PTPN3: variants seen among roughly 807,000 people sequenced by gnomAD.
The protein encoded by PTPN3 is tyrosine-protein phosphatase non-receptor type 3.
In PTPN3, 96 loss-of-function variants were observed where a neutral mutation model predicts 132.7. The observed-to-expected ratio is 0.72, with a 90% CI of 0.61 to 0.86. The LOEUF (loss-of-function observed/expected upper bound fraction) is 0.86. Ranked by LOEUF, PTPN3 falls within the 40% of genes least tolerant of loss-of-function variation. The probability of loss-of-function intolerance (pLI) is 0.00; values close to 1 mark genes in which losing one functional copy is unlikely to be tolerated. For missense variants in PTPN3, 1,125 were observed against 1,159.6 expected, an observed-to-expected ratio of 0.97 and a Z score of 0.43; for synonymous variants, 398 against 429.0, an observed-to-expected ratio of 0.93 and a Z score of 0.89.
At chr9:109,529,667 T>C in the PTPN3 span, among the ~76,000 whole-genome samples, 1 of 152,204 alleles carries the variant, frequency 6.6e-6, no homozygotes, top group Non-Finnish European at 1.5e-5. Context: ...ATACACGTAA[T>C]ATAAAGTTTA....
intron 2 of PTPN3, among the ~76,000 whole-genome samples, chr9:109,458,075 G>T (rs1845657196): frequency 6.6e-6 from 1 of 152,196 alleles, no homozygotes; most frequent in Non-Finnish European, 1.5e-5. Flanking sequence ...GTGGGAATGG[G>T]GACACGGCCA....
intron 5 of PTPN3, chr9:109,451,216 C>T: frequency 1.0e-6 from 1 of 980,474 alleles, no homozygotes; most frequent in Non-Finnish European, 1.2e-6. Context: ...TAGCAAGACC[C>T]TGTTTCAAAA....
At chr9:109,404,360 G>A (rs1841384302) in intron 19 of PTPN3, 88 bp downstream of exon 19, 1 of 1,002,718 alleles carries the variant, frequency 1.0e-6, no homozygotes, top group Non-Finnish European at 1.4e-6. Context: ...AAGGGCTTGT[G>A]TCTCTGCCTC....
the PTPN3 span, among the ~76,000 whole-genome samples, chr9:109,522,312 T>G: frequency 1.3e-5 from 2 of 152,094 alleles, no homozygotes; most frequent in African/African-American, 2.4e-5. Context: ...AGGCCAAAAG[T>G]GTGGGCCCCT....
chr9:109,494,950 C>T (rs558394638), intron 1 of PTPN3, among the ~76,000 whole-genome samples: 1 of 152,182 alleles, frequency 6.6e-6, no homozygotes, highest in Admixed American at 6.5e-5. Context: ...CAAGCAGAAG[C>T]TCTGGAGATG....
Position 109,456,780 on chromosome 9 carries a change from C to T in PTPN3, c.289+393G>A, listed in dbSNP as rs536734490. On this transcript the variant is annotated intron_variant, in intron 4 of 25. Coordinates refer to ENST00000374541, the MANE Select transcript of PTPN3 (RefSeq NM_002829.4). ...ATTACCTACTTATGGTTCGGTTTTC[C>T]GTGAACGCGACTATGCTGTTGGAAA... is the stretch of plus-strand genomic sequence containing the variant. 1.0e-3 allele frequency among the ~76,000 whole-genome samples: 159 copies of T among 152,258 alleles called. 1 individual carries two copies. The highest frequency in any genetic ancestry group is 3.4e-3 in the African/African-American group (140 of 41,540).
At chr9:109,398,205 C>T (rs1471692173) in intron 19 of PTPN3, among the ~76,000 whole-genome samples, 2 of 152,072 alleles carry the variant, frequency 1.3e-5, no homozygotes, top group Admixed American at 6.5e-5. Context: ...ATCACTTGAA[C>T]GTGGGAGGCA....
At position 109,375,924 on chromosome 9, in the gene PTPN3, C is replaced by T. The variant is rs922844770; in HGVS notation, c.*3632G>A. The T allele has an allele frequency of 6.6e-6, 1 of 152,200 alleles. No homozygotes were observed. Among genetic ancestry groups the T allele is most frequent in the African/African-American group, 2.4e-5 (1 of 41,454 alleles). 9.4% of individuals were successfully genotyped at this position (152,200 alleles called of 1,614,324 possible). ...CCATCAGACTCCCAAGCATTTGGTC[C>T]CCGGTCTGAGGTCACAGAATCTTTG... On this transcript the variant is annotated 3_prime_UTR_variant, in exon 26 of 26. Transcript: ENST00000374541.
At chr9:109,392,284 C>A (rs1840189926) in intron 19 of PTPN3, among the ~76,000 whole-genome samples, 1 of 152,102 alleles carries the variant, frequency 6.6e-6, no homozygotes, top group South Asian at 2.1e-4. Flanking sequence ...GTTTTCTTTT[C>A]TATATGACTG....
intron 16 of PTPN3, 136 bp downstream of exon 16, chr9:109,409,863 C>T: frequency 7.2e-7 from 1 of 1,385,460 alleles, no homozygotes; most frequent in Non-Finnish European, 9.4e-7. Context: ...CAAAAAAAAC[C>T]CCCAACTCTC....
rs1015530071 is a variant in PTPN3, at chr9:109,416,439, G to T, written c.1313+3985C>A. Among the ~76,000 whole-genome samples, 127 of 140,274 alleles carry T rather than the reference G, an allele frequency of 9.1e-4. 1 individual carries two copies. Among genetic ancestry groups the T allele is most frequent in the East Asian group, 2.1e-3 (8 of 3,752 alleles). 92.0% of individuals were successfully genotyped at this position (140,274 alleles called of 152,430 possible). ...AATGAACAGAAGTTTTTTGTTTTTT[G>T]TTTTTTTGTTTCTTTTTTTTTTTTT... is the stretch of plus-strand genomic sequence containing the variant. On this transcript the variant is annotated intron_variant, in intron 14 of 25. Coordinates refer to ENST00000374541, the MANE Select transcript of PTPN3 (RefSeq NM_002829.4).
chr9:109,389,177 T>C, intron 22 of PTPN3, 56 bp downstream of exon 22: 1 of 1,592,646 alleles, frequency 6.3e-7, no homozygotes, highest in Non-Finnish European at 8.6e-7. Context: ...AGATTCATGT[T>C]ACACAGAGTA....
At chr9:109,487,136 C>G (rs1021344261) in intron 1 of PTPN3, among the ~76,000 whole-genome samples, 1 of 152,184 alleles carries the variant, frequency 6.6e-6, no homozygotes, top group Non-Finnish European at 1.5e-5. Flanking sequence ...CTGAGTTTAC[C>G]TGAAAAGGCC....
At chr9:109,437,225 C>T (rs909615509) in intron 8 of PTPN3, among the ~76,000 whole-genome samples, 4 of 152,194 alleles carry the variant, frequency 2.6e-5, no homozygotes, top group Non-Finnish European at 4.4e-5. Context: ...AATATTCAGA[C>T]GGAGAAGACT....
At chr9:109,428,497 G>A (rs1843436598) in intron 11 of PTPN3, 124 bp downstream of exon 11, 2 of 955,184 alleles carry the variant, frequency 2.1e-6, no homozygotes, top group South Asian at 3.6e-5. Context: ...TCTAGTCCCA[G>A]CTACTTGGGA....
At chr9:109,499,557 AC>A (rs543468351), upstream of PTPN3, among the ~76,000 whole-genome samples, 83 of 140,184 alleles carry the variant, frequency 5.9e-4, no homozygotes, top group African/African-American at 2.0e-3. Context: ...TACTGCAGTG[AC>A]CCCCCTGCAA....
intron 11 of PTPN3, among the ~76,000 whole-genome samples, chr9:109,428,331 A>C (rs1843423516): frequency 6.6e-6 from 1 of 152,234 alleles, no homozygotes; most frequent in Non-Finnish European, 1.5e-5. Context: ...GCTAAGCAGA[A>C]TTATACAGAC....
intron 1 of PTPN3, among the ~76,000 whole-genome samples, chr9:109,469,535 C>T (rs1388159684): frequency 1.3e-5 from 2 of 152,124 alleles, no homozygotes; most frequent in East Asian, 1.9e-4. Flanking sequence ...AGGAAAATCG[C>T]TCGAACCCGG....
intron 4 of PTPN3, among the ~76,000 whole-genome samples, chr9:109,454,797 A>T (rs1032156092): frequency 3.9e-5 from 6 of 152,230 alleles, no homozygotes; most frequent in African/African-American, 1.4e-4. Context: ...CTGAGTTATC[A>T]TCTACTTCCT....
Sources: gnomAD v4.1 joint callset for allele counts (sites outside exome capture counted in the v4.1 genomes callset) on GRCh38, gnomAD v4.1.1 for gene constraint, MANE v1.5 for transcripts, NCBI Gene and HGNC (gene_info 2026-07-23, HGNC 2026-07-21) for gene names.